TCF3: variants seen among roughly 807,000 people sequenced by gnomAD.
TCF3 encodes transcription factor E2-alpha.
In TCF3, 54 loss-of-function variants were observed where a neutral mutation model predicts 72.3. The observed-to-expected ratio is 0.75, with a 90% CI of 0.60 to 0.94. The LOEUF (loss-of-function observed/expected upper bound fraction) is 0.94, where lower values mean the gene tolerates loss of function less well. Ranked by LOEUF, TCF3 falls within the 40% of genes least tolerant of loss-of-function variation. TCF3 has a pLI of 0.00. For missense variants in TCF3, 1,078 were observed against 934.4 expected, an observed-to-expected ratio of 1.15 and a Z score of -2.00; for synonymous variants, 525 against 412.6, an observed-to-expected ratio of 1.27 and a Z score of -3.30.
chr19:1,633,073 A>T (rs999149953), intron 3 of TCF3, among the ~76,000 whole-genome samples: 1 of 146,762 alleles, frequency 6.8e-6, no homozygotes, highest in Non-Finnish European at 1.5e-5. Flanking sequence ...AAGGGACGGG[A>T]CGAGGACCTT....
chr19:1,612,118 G>A (rs1011031496), intron 18 of TCF3: 2 of 1,340,594 alleles, frequency 1.5e-6, no homozygotes, highest in African/African-American at 2.9e-5. Flanking sequence ...ACAGAGTCCG[G>A]GGGCGGCAAG....
chr19:1,615,960 A>C lies in TCF3; in HGVS notation c.1451-139T>G. On this transcript the variant is annotated intron_variant, in intron 16 of 18. Coordinates refer to ENST00000262965, the MANE Select transcript of TCF3 (RefSeq NM_003200.5). This position sits in a 1 kb window ranked among gnomAD's most constrained non-coding sequence, Gnocchi z 7.3. ...CAAAAATAAAAACAAAAAACCAACA[A>C]CCAGAACTGGATCCCTACCTCACGC... is the stretch of plus-strand genomic sequence containing the variant. 7 of 1,013,708 alleles carry C rather than the reference A, an allele frequency of 6.9e-6. No homozygotes were observed. Among genetic ancestry groups the C allele is most frequent in the Non-Finnish European group, 9.6e-6 (7 of 729,598 alleles). The allele number at this position is 1,013,708 out of a possible 1,614,324, so 62.8% of individuals were successfully genotyped here.
intron 3 of TCF3, among the ~76,000 whole-genome samples, chr19:1,634,914 C>T (rs1293063811): frequency 6.6e-6 from 1 of 152,192 alleles, no homozygotes; most frequent in Non-Finnish European, 1.5e-5. Flanking sequence ...GACCATCTGT[C>T]CTGCACAGCC....
intron 13 of TCF3, 63 bp downstream of exon 13, chr19:1,620,905 G>C (rs1201039041): frequency 3.7e-6 from 5 of 1,362,628 alleles, no homozygotes; most frequent in Non-Finnish European, 9.6e-7. Flanking sequence ...ACAGACCTCA[G>C]CCTCCCCTCC....
In TCF3 at chr19:1,652,307, G is replaced by C. The variant is rs968705122; in HGVS notation, c.-47C>G. On this transcript the variant is annotated 5_prime_UTR_variant, in exon 1 of 19. Transcript: ENST00000262965. ...GCCCCCCGCCGGGCTCACCTGCTGG[G>C]CGCGGCCGGGCACGCGGCGCGTGGG... 7.6e-5 allele frequency: 11 copies of C among 143,848 alleles called. No homozygotes were observed. In the East Asian group the frequency reaches 2.3e-3, roughly 31 times the overall value. The allele number at this position is 143,848 out of a possible 1,614,324, so 8.9% of individuals were successfully genotyped here. A position where few individuals can be genotyped will look rare whatever the true frequency, so the allele number is the denominator to read the frequency against.
intron 3 of TCF3, among the ~76,000 whole-genome samples, chr19:1,633,593 T>C (rs1044219920): frequency 6.6e-6 from 1 of 152,260 alleles, no homozygotes; most frequent in African/African-American, 2.4e-5. Flanking sequence ...TGCATAATTA[T>C]GCATATTAAT....
chr19:1,625,820 G>T, intron 6 of TCF3, 112 bp from the exon 7 acceptor site: 1 of 1,291,166 alleles, frequency 7.7e-7, no homozygotes. Flanking sequence ...CCTGCAGTGG[G>T]TGATGCCCCT....
chr19:1,619,507 C>G lies in TCF3; in HGVS notation c.1168-33G>C, dbSNP rs756881501. On this transcript the variant is annotated intron_variant, in intron 14 of 18. Coordinates refer to ENST00000262965, the MANE Select transcript of TCF3 (RefSeq NM_003200.5). ...GTGGGGGGATGGGTGGTGAGGGGCC[C>G]AAGCCGAGGGACCCCACAGGCCTCC... The G allele has an allele frequency of 1.2e-5, 18 of 1,547,622 alleles. No individual in the cohort carries two copies. The East Asian group carries it at 3.6e-4, about 31-fold the overall frequency.
At position 1,620,719 on chromosome 19, in the gene TCF3, G is replaced by C. The variant is rs942501693; in HGVS notation, c.1093+249C>G. ...CTGGCTTGGAGGCTGCCTCCACTAG[G>C]CAGCTTTCCTGGATTGCCCAGTGGA... On this transcript the variant is annotated intron_variant, in intron 13 of 18. Coordinates refer to ENST00000262965, the MANE Select transcript of TCF3 (RefSeq NM_003200.5). 2.0e-5 allele frequency among the ~76,000 whole-genome samples: 3 copies of C among 152,166 alleles called. No homozygotes were observed. The East Asian group carries it at 5.8e-4, about 29-fold the overall frequency.
chr19:1,626,890 C>A (rs1476992750), intron 6 of TCF3, among the ~76,000 whole-genome samples: 1 of 151,882 alleles, frequency 6.6e-6, no homozygotes, highest in Non-Finnish European at 1.5e-5. Context: ...GAGATGAAGT[C>A]CTGGGGTGAG....
At chr19:1,624,824 T>C (rs1292639900) in intron 7 of TCF3, among the ~76,000 whole-genome samples, 5 of 151,968 alleles carry the variant, frequency 3.3e-5, no homozygotes, top group African/African-American at 9.7e-5. Context: ...ATCTTTTACG[T>C]TTTTGTGCTT....
chr19:1,618,848 TG>T (rs2061835853), intron 16 of TCF3, among the ~76,000 whole-genome samples: 3 of 152,152 alleles, frequency 2.0e-5, no homozygotes, highest in African/African-American at 7.2e-5. Context: ...CCTTCCCCAG[TG>T]CTGAGCGCTG....
rs2060967967 is a variant in TCF3 at position 1,611,329 on chromosome 19, A to G, written c.*378T>C. 2 of 389,862 alleles carry G rather than the reference A, an allele frequency of 5.1e-6. No individual in the cohort carries two copies. Among genetic ancestry groups the G allele is most frequent in the Non-Finnish European group, 4.5e-6 (1 of 220,904 alleles). The allele number at this position is 389,862 out of a possible 1,614,324, so 24.2% of individuals were successfully genotyped here. The stretch of plus-strand genomic sequence containing the variant: ...AGTTAAGGCATTTTTTTCTTCTCTG[A>G]CAAAGTGTATGTTTTGTTGCTTGCT... On this transcript the variant is annotated 3_prime_UTR_variant, in exon 19 of 19. Coordinates refer to ENST00000262965, the MANE Select transcript of TCF3 (RefSeq NM_003200.5).
Position 1,611,178 on chromosome 19 carries a change from AAT to A in TCF3, c.*527_*528del, listed in dbSNP as rs1438950453. ...TTAAGAAAAAAAAAATCTTGTAACT[AAT>A]GTTTTTATTTTCCTTAAAAAAAATA... is the stretch of plus-strand genomic sequence containing the variant. On this transcript the variant is annotated 3_prime_UTR_variant, in exon 19 of 19. Coordinates refer to ENST00000262965, the MANE Select transcript of TCF3 (RefSeq NM_003200.5). The A allele has an allele frequency of 1.6e-5, 4 of 247,038 alleles. No individual in the cohort carries two copies. The highest frequency in any genetic ancestry group is 8.7e-5 in the African/African-American group (4 of 45,798). 15.3% of individuals were successfully genotyped at this position (247,038 alleles called of 1,614,324 possible).
intron 3 of TCF3, among the ~76,000 whole-genome samples, chr19:1,645,022 C>T (rs978897224): frequency 6.6e-6 from 1 of 152,114 alleles, no homozygotes. Context: ...GGAGCATATT[C>T]CGGCCAGCCC....
At chr19:1,617,281 G>T (rs77587457) in intron 16 of TCF3, among the ~76,000 whole-genome samples, 1 of 152,156 alleles carries the variant, frequency 6.6e-6, no homozygotes, top group African/African-American at 2.4e-5. Context: ...ACAGCCCCAC[G>T]CCCGGGCCAG....
intron 3 of TCF3, 115 bp from the exon 4 acceptor site, chr19:1,632,520 T>C: frequency 9.0e-7 from 1 of 1,111,156 alleles, no homozygotes; most frequent in Non-Finnish European, 1.3e-6. Context: ...TGTGGAACCC[T>C]TCCTAACCCA....
rs1267559404 is a variant in TCF3 at position 1,619,804 on chromosome 19, G to A, written c.1143C>T (p.Ser381=). The A allele has an allele frequency of 1.3e-6, 2 of 1,567,020 alleles. No homozygotes were observed. Among genetic ancestry groups the A allele is most frequent in the East Asian group, 2.4e-5 (1 of 41,912 alleles). The change falls in exon 14 of 19, where the codon AGC becomes AGT. Residue 381 remains serine, a synonymous_variant. Transcript: ENST00000262965. ...RAGAPGALSP[S]YDGGLHGLQS... ...CCAGGCCGTGGAGACCCCCGTCGTA[G>A]CTGGGCGATAAGGCACCGGGGGCTC... is the stretch of plus-strand genomic sequence containing the variant.
At chr19:1,652,085 C>G (rs1044557208) in intron 1 of TCF3, among the ~76,000 whole-genome samples, 3 of 150,080 alleles carry the variant, frequency 2.0e-5, no homozygotes, top group African/African-American at 7.3e-5. Context: ...CGACGCGGGC[C>G]TGGCGAGCTC....
Sources: gnomAD v4.1 joint callset for allele counts (sites outside exome capture counted in the v4.1 genomes callset) on GRCh38, gnomAD v4.1.1 for gene constraint, Gnocchi (gnomAD v3.1) non-coding constraint, MANE v1.5 for transcripts, NCBI Gene and HGNC (gene_info 2026-07-23, HGNC 2026-07-21) for gene names.